SIL1: variants seen among roughly 807,000 people sequenced by gnomAD.
SIL1 encodes SIL1 nucleotide exchange factor, also known as nucleotide exchange factor SIL1.
Under a neutral mutation model 49.1 loss-of-function variants are expected in SIL1, and 40 were observed. That is an observed-to-expected ratio of 0.81 (90% CI 0.63 to 1.06). The LOEUF (loss-of-function observed/expected upper bound fraction) is 1.06, where lower values mean the gene tolerates loss of function less well. SIL1 is among the 50% of genes least tolerant of loss of function. The pLI, the probability that SIL1 is intolerant of heterozygous loss-of-function variation, is 0.00. For missense variants in SIL1, 500 were observed against 572.6 expected (o/e 0.87, Z 1.29); for synonymous variants, 253 against 250.8 (o/e 1.01, Z -0.08).
intron 5 of SIL1, among the ~76,000 whole-genome samples, chr5:139,041,198 A>G (rs1206217877): frequency 6.6e-6 from 1 of 152,108 alleles, no homozygotes; most frequent in Non-Finnish European, 1.5e-5. Flanking sequence ...AATTGCGAGC[A>G]TTGCCTTCCT....
chr5:139,167,781 C>T (rs1438992279), intron 1 of SIL1, among the ~76,000 whole-genome samples: 1 of 152,192 alleles, frequency 6.6e-6, no homozygotes, highest in Non-Finnish European at 1.5e-5. Flanking sequence ...CACTGACTCA[C>T]CTAGAGCAAC....
chr5:138,975,189 G>A (rs1291627191), intron 7 of SIL1, among the ~76,000 whole-genome samples: 1 of 152,186 alleles, frequency 6.6e-6, no homozygotes, highest in Non-Finnish European at 1.5e-5. Flanking sequence ...AGGTTGGCAA[G>A]AAGCCTATAG....
intron 3 of SIL1, among the ~76,000 whole-genome samples, chr5:139,102,312 C>T (rs1452799232): frequency 1.3e-5 from 2 of 152,188 alleles, no homozygotes; most frequent in East Asian, 3.9e-4. Context: ...ATAGTCTGTA[C>T]AGTATGACTG....
intron 1 of SIL1, among the ~76,000 whole-genome samples, chr5:139,155,621 T>C (rs1485974724): frequency 1.3e-5 from 2 of 152,214 alleles, no homozygotes; most frequent in Non-Finnish European, 2.9e-5. Context: ...CTTCAACATA[T>C]GAATTTTGGG....
intron 3 of SIL1, among the ~76,000 whole-genome samples, chr5:139,111,199 A>C (rs1332726070): frequency 2.6e-5 from 4 of 152,324 alleles, no homozygotes; most frequent in Non-Finnish European, 5.9e-5. Flanking sequence ...TCAAAGCAGA[A>C]GACCACCCTC....
At position 138,951,337 on chromosome 5, in the gene SIL1, T is replaced by G; in HGVS notation, c.865-2A>C. On this transcript the variant is annotated splice_acceptor_variant, in intron 8 of 9. Transcript: ENST00000394817. LOFTEE classifies it high-confidence loss of function. ...CAGGGAGCACAGTGCAAACAGGACC[T>G]GGGGGCACAGACCCAGGGGTAGGTG... 2 of 1,552,838 alleles carry G rather than the reference T, an allele frequency of 1.3e-6. No homozygotes were observed. Among genetic ancestry groups the G allele is most frequent in the Non-Finnish European group, 8.7e-7 (1 of 1,147,666 alleles).
chr5:139,102,226 A>T (rs1770602331), intron 3 of SIL1, among the ~76,000 whole-genome samples: 1 of 152,238 alleles, frequency 6.6e-6, no homozygotes, highest in East Asian at 1.9e-4. Context: ...TTTATGCCTA[A>T]GGCTCACTTT....
At chr5:138,964,653 C>T (rs1211302858) in intron 7 of SIL1, among the ~76,000 whole-genome samples, 3 of 152,124 alleles carry the variant, frequency 2.0e-5, no homozygotes, top group Admixed American at 1.3e-4. Context: ...AATGTCAAAA[C>T]GTAAATGGTT....
chr5:139,032,114 G>A (rs1263270056), intron 5 of SIL1, among the ~76,000 whole-genome samples: 1 of 152,190 alleles, frequency 6.6e-6, no homozygotes, highest in African/African-American at 2.4e-5. Flanking sequence ...CTATGACTGT[G>A]TTGAATGAGT....
At chr5:138,996,463 A>G (rs552479861) in intron 7 of SIL1, among the ~76,000 whole-genome samples, 1 of 140,322 alleles carries the variant, frequency 7.1e-6, no homozygotes, top group South Asian at 2.3e-4. Flanking sequence ...ATTTTATTCC[A>G]TTCTGTGGGT....
chr5:138,954,757 T>C (rs545912613), intron 7 of SIL1, among the ~76,000 whole-genome samples: 119 of 152,262 alleles, frequency 7.8e-4, no homozygotes, highest in Non-Finnish European at 1.4e-3. Flanking sequence ...CAGCTCAGAG[T>C]GAGGCCTCTG....
intron 7 of SIL1, among the ~76,000 whole-genome samples, chr5:138,954,860 C>T (rs1485253507): frequency 1.3e-5 from 2 of 152,314 alleles, no homozygotes; most frequent in East Asian, 3.9e-4. Context: ...ACCTGTGAGG[C>T]AGAGCTAGGA....
chr5:139,031,532 T>C (rs1322035972), intron 5 of SIL1, among the ~76,000 whole-genome samples: 1 of 152,214 alleles, frequency 6.6e-6, no homozygotes, highest in Non-Finnish European at 1.5e-5. Context: ...GAGTAAGCCT[T>C]AAAATCAGGT....
intron 5 of SIL1, among the ~76,000 whole-genome samples, chr5:139,029,696 C>T (rs527505442): frequency 6.0e-4 from 91 of 151,656 alleles, no homozygotes; most frequent in Middle Eastern, 3.4e-3. Flanking sequence ...CATGGGGTTT[C>T]GCCATGTTGC....
At chr5:139,076,023 C>T (rs997877869) in intron 3 of SIL1, among the ~76,000 whole-genome samples, 2 of 152,146 alleles carry the variant, frequency 1.3e-5, no homozygotes, top group African/African-American at 4.8e-5. Flanking sequence ...CAAGTCCTTC[C>T]CAAGACCCTA....
chr5:139,098,809 CTTTTT>C (rs59863544), intron 3 of SIL1, among the ~76,000 whole-genome samples: 1,910 of 89,060 alleles, frequency 0.021, 40 homozygotes, highest in African/African-American at 0.073. Context: ...TTTTCTTACT[CTTTTT>C]TTTTTTTTTT....
intron 1 of SIL1, chr5:139,137,610 A>G: frequency 6.2e-6 from 2 of 322,798 alleles, no homozygotes; most frequent in South Asian, 4.2e-5. Flanking sequence ...TGCATGTGCA[A>G]TGTTGGTGTG....
chr5:139,170,773 A>T (rs1751741427), intron 1 of SIL1, among the ~76,000 whole-genome samples: 1 of 143,446 alleles, frequency 7.0e-6, no homozygotes, highest in African/African-American at 2.6e-5. Context: ...TCCGGAAGGG[A>T]GGTGGGGGTC....
chr5:139,085,116 T>C (rs1770186447), intron 3 of SIL1, among the ~76,000 whole-genome samples: 2 of 152,012 alleles, frequency 1.3e-5, no homozygotes, highest in Non-Finnish European at 2.9e-5. Context: ...TGATACAGGC[T>C]AAGGGACGGG....
Sources: allele counts gnomAD v4.1 joint callset (sites outside exome capture counted in the v4.1 genomes callset), GRCh38; gene constraint gnomAD v4.1.1; transcripts MANE v1.5; gene names NCBI Gene and HGNC (gene_info 2026-07-23, HGNC 2026-07-21).